Variants in NDUFS4 observed in about 807,000 individuals in gnomAD.
The protein encoded by NDUFS4 is NADH dehydrogenase [ubiquinone] iron-sulfur protein 4, mitochondrial.
In NDUFS4, 28 loss-of-function variants were observed where a neutral mutation model predicts 24.3. The ratio of observed to expected loss-of-function variants is 1.15; its 90% CI spans 0.85 to 1.58. The LOEUF (loss-of-function observed/expected upper bound fraction) is 1.58. NDUFS4 is among the 40% of genes most tolerant of loss of function. The pLI, the probability that NDUFS4 is intolerant of heterozygous loss-of-function variation, is 0.00. For synonymous variants in NDUFS4, 93 were observed against 69.7 expected (o/e 1.34, Z -1.67); for missense variants, 223 against 207.9 (o/e 1.07, Z -0.45).
chr5:53,573,896 T>A (rs556591643), intron 1 of NDUFS4, among the ~76,000 whole-genome samples: 1 of 152,334 alleles, frequency 6.6e-6, no homozygotes, highest in East Asian at 1.9e-4. Flanking sequence ...CCAGCCTAAA[T>A]TTTATTTTGA....
chr5:53,619,870 T>C (rs1750976979), intron 2 of NDUFS4, among the ~76,000 whole-genome samples: 1 of 152,226 alleles, frequency 6.6e-6, no homozygotes, highest in Non-Finnish European at 1.5e-5. Flanking sequence ...TTAGCCATCA[T>C]GCAGTTTTTG....
intron 2 of NDUFS4, among the ~76,000 whole-genome samples, chr5:53,641,607 T>C (rs951025592): frequency 6.6e-6 from 1 of 152,164 alleles, no homozygotes; most frequent in Admixed American, 6.6e-5. Context: ...TGTTTTTTAT[T>C]GTATCTGAAT....
chr5:53,615,407 G>A (rs1019843592), intron 2 of NDUFS4, among the ~76,000 whole-genome samples: 2 of 151,924 alleles, frequency 1.3e-5, no homozygotes, highest in South Asian at 2.1e-4. Context: ...AAAGGAGAAC[G>A]TAGACTTTAA....
intron 1 of NDUFS4, 115 bp downstream of exon 1, chr5:53,560,875 T>C (rs1748816010): frequency 4.5e-6 from 7 of 1,564,036 alleles, no homozygotes; most frequent in Non-Finnish European, 5.2e-6. Context: ...GTTGACCCTT[T>C]TCTCGGGAGA....
At chr5:53,601,685 G>A (rs184316404) in intron 1 of NDUFS4, among the ~76,000 whole-genome samples, 1 of 152,254 alleles carries the variant, frequency 6.6e-6, no homozygotes, top group Non-Finnish European at 1.5e-5. Context: ...AACAATTTAT[G>A]AATTTAATAT....
chr5:53,578,180 C>T (rs1749446256), intron 1 of NDUFS4, among the ~76,000 whole-genome samples: 1 of 152,148 alleles, frequency 6.6e-6, no homozygotes, highest in Admixed American at 6.5e-5. Flanking sequence ...ATTCTTCTTT[C>T]CTTAGTTGAG....
intron 2 of NDUFS4, among the ~76,000 whole-genome samples, chr5:53,644,195 TTCCTC>T (rs764407740): frequency 2.0e-5 from 3 of 152,146 alleles, no homozygotes; most frequent in Non-Finnish European, 4.4e-5. Flanking sequence ...GTAAAAGTGT[TTCCTC>T]TAATCTTCCT....
intron 1 of NDUFS4, among the ~76,000 whole-genome samples, chr5:53,591,840 A>G (rs1749970844): frequency 6.6e-6 from 1 of 152,140 alleles, no homozygotes; most frequent in East Asian, 1.9e-4. Context: ...TTTTTCATAT[A>G]CTTATTTATC....
chr5:53,587,322 T>C (rs1267999804), intron 1 of NDUFS4, among the ~76,000 whole-genome samples: 1 of 152,176 alleles, frequency 6.6e-6, no homozygotes, highest in Non-Finnish European at 1.5e-5. Context: ...TCATGTTGCT[T>C]TCAATTTTTT....
chr5:53,641,676 A>G (rs1444983378), intron 2 of NDUFS4, among the ~76,000 whole-genome samples: 1 of 152,208 alleles, frequency 6.6e-6, no homozygotes, highest in Non-Finnish European at 1.5e-5. Flanking sequence ...GTAAATAGAT[A>G]TGATAATGCT....
chr5:53,635,393 G>T (rs556342653), intron 2 of NDUFS4, among the ~76,000 whole-genome samples: 62 of 151,840 alleles, frequency 4.1e-4, no homozygotes, highest in African/African-American at 1.4e-3. Context: ...GGAGGCATGT[G>T]CCTGTAGTCT....
At chr5:53,567,494 C>T (rs963986766) in intron 1 of NDUFS4, among the ~76,000 whole-genome samples, 3 of 152,004 alleles carry the variant, frequency 2.0e-5, no homozygotes, top group Non-Finnish European at 2.9e-5. Context: ...TGGTAAGGGA[C>T]TTTTCATAGG....
At chr5:53,594,285 C>T (rs1750063825) in intron 1 of NDUFS4, among the ~76,000 whole-genome samples, 1 of 152,064 alleles carries the variant, frequency 6.6e-6, no homozygotes, top group Non-Finnish European at 1.5e-5. Flanking sequence ...ATCACTATCA[C>T]CTTCTTCATC....
intron 4 of NDUFS4, among the ~76,000 whole-genome samples, chr5:53,673,135 T>G (rs1740337465): frequency 6.6e-6 from 1 of 152,150 alleles, no homozygotes; most frequent in African/African-American, 2.4e-5. Context: ...ACTTACCATA[T>G]AGCATACAAT....
At chr5:53,640,622 T>TG (rs564282367) in intron 2 of NDUFS4, among the ~76,000 whole-genome samples, 75 of 152,148 alleles carry the variant, frequency 4.9e-4, no homozygotes, top group African/African-American at 1.6e-3. Flanking sequence ...GAGGAACTCT[T>TG]GCAGAAACTA....
intron 1 of NDUFS4, among the ~76,000 whole-genome samples, chr5:53,600,976 T>G (rs957606437): frequency 6.6e-6 from 1 of 151,806 alleles, no homozygotes; most frequent in African/African-American, 2.4e-5. Flanking sequence ...TGATATAAAT[T>G]TTTATCAGTG....
intron 4 of NDUFS4, among the ~76,000 whole-genome samples, chr5:53,665,002 T>C (rs1185058315): frequency 6.6e-6 from 1 of 152,168 alleles, no homozygotes; most frequent in Non-Finnish European, 1.5e-5. Context: ...ACAGATGGGG[T>C]TTTGGTGTGG....
intron 2 of NDUFS4, among the ~76,000 whole-genome samples, chr5:53,616,288 G>A (rs1750837503): frequency 6.6e-6 from 1 of 151,734 alleles, no homozygotes; most frequent in South Asian, 2.1e-4. Context: ...CATGTCCTTA[G>A]AGCTTATATT....
chr5:53,586,584 G>T (rs1464645412), intron 1 of NDUFS4, among the ~76,000 whole-genome samples: 1 of 151,994 alleles, frequency 6.6e-6, no homozygotes, highest in Admixed American at 6.5e-5. Flanking sequence ...GTGCAGTGGC[G>T]CAATCTTGGC....
Sources: allele counts gnomAD v4.1 joint callset (sites outside exome capture counted in the v4.1 genomes callset), GRCh38; gene constraint gnomAD v4.1.1; transcripts MANE v1.5; gene names NCBI Gene and HGNC (gene_info 2026-07-23, HGNC 2026-07-21).